NLGN1: variants seen among roughly 807,000 people sequenced by gnomAD.
The protein encoded by NLGN1 is neuroligin 1, also known as neuroligin-1.
NLGN1 carries 12 observed loss-of-function variants against 65.5 expected under a neutral mutation model. That is an observed-to-expected ratio of 0.18 (90% CI 0.12 to 0.30). NLGN1 has a LOEUF of 0.30. NLGN1 is among the 10% of genes least tolerant of loss of function. The pLI, the probability that NLGN1 is intolerant of heterozygous loss-of-function variation, is 1.00. For missense variants in NLGN1, 750 were observed against 1,007.1 expected, an observed-to-expected ratio of 0.74 and a Z score of 3.46; for synonymous variants, 350 against 359.5, an observed-to-expected ratio of 0.97 and a Z score of 0.30.
chr3:174,292,028 A>T, the NLGN1 span, among the ~76,000 whole-genome samples: 1 of 151,304 alleles, frequency 6.6e-6, no homozygotes, highest in Non-Finnish European at 1.5e-5. Flanking sequence ...CACAGAATAC[A>T]GCAAAGAGGG....
intron 3 of NLGN1, among the ~76,000 whole-genome samples, chr3:173,609,505 T>C (rs543052460): frequency 6.6e-6 from 1 of 152,070 alleles, no homozygotes; most frequent in South Asian, 2.1e-4. Flanking sequence ...TAGGGACTGA[T>C]TTTTTCCTAA....
intron 4 of NLGN1, among the ~76,000 whole-genome samples, chr3:174,032,015 TAAAA>T (rs1480982959): frequency 6.6e-6 from 1 of 151,592 alleles, no homozygotes; most frequent in African/African-American, 2.4e-5. Context: ...AATTCAAAGT[TAAAA>T]AAAAGAAATT....
chr3:173,637,587 CTT>C (rs1756791297), intron 3 of NLGN1, among the ~76,000 whole-genome samples: 2 of 152,118 alleles, frequency 1.3e-5, no homozygotes, highest in Admixed American at 6.5e-5. Flanking sequence ...TTGTATGACT[CTT>C]AATTGCTTCC....
intron 4 of NLGN1, among the ~76,000 whole-genome samples, chr3:173,973,340 C>G (rs941208434): frequency 6.6e-6 from 1 of 152,118 alleles, no homozygotes; most frequent in Admixed American, 6.6e-5. Flanking sequence ...TGCCACAAGC[C>G]TGTCCGCCCA....
At chr3:173,478,365 A>G (rs1337575272) in intron 2 of NLGN1, among the ~76,000 whole-genome samples, 1 of 151,692 alleles carries the variant, frequency 6.6e-6, no homozygotes, top group Non-Finnish European at 1.5e-5. Context: ...GAACACATGA[A>G]CACAAGGAGG....
intron 4 of NLGN1, among the ~76,000 whole-genome samples, chr3:173,872,905 G>A (rs989584646): frequency 2.0e-5 from 3 of 151,804 alleles, no homozygotes; most frequent in African/African-American, 7.3e-5. Flanking sequence ...ATTACATAAG[G>A]AGACACAGAG....
rs1010843553 is a variant in NLGN1 at position 173,649,588 on chromosome 3, G to A, written c.493+44497G>A. 4.6e-5 allele frequency among the ~76,000 whole-genome samples: 7 copies of A among 151,984 alleles called. No homozygotes were observed. The East Asian group carries it at 5.8e-4, about 13-fold the overall frequency. Reference sequence around the variant, plus strand: ...TTTTTCACCTTCACATTCCCTCCTAGTGTTCTCCTTTTCTCACCGTGAAAA... The same window carrying A: ...TTTTTCACCTTCACATTCCCTCCTAATGTTCTCCTTTTCTCACCGTGAAAA... On this transcript the variant is annotated intron_variant, in intron 3 of 6. Coordinates refer to ENST00000457714, the Ensembl canonical transcript of NLGN1.
At position 173,519,759 on chromosome 3, in the gene NLGN1, TGA is replaced by T. The variant is rs1214617193; in HGVS notation, c.-320-84516_-320-84515del. ...TTTAAGTGACTTTCCTTATCTCAGATGAGAGTTTGGACTTTGGACTTTTGAGT... is the reference window on the plus strand; with the variant it reads ...TTTAAGTGACTTTCCTTATCTCAGATGAGTTTGGACTTTGGACTTTTGAGT... On this transcript the variant is annotated intron_variant, in intron 2 of 6. Coordinates refer to ENST00000457714, the Ensembl canonical transcript of NLGN1. Among the ~76,000 whole-genome samples the T allele has an allele frequency of 2.6e-5, 4 of 152,172 alleles. No homozygotes were observed. The East Asian group carries it at 7.7e-4, about 29-fold the overall frequency.
At chr3:173,633,746 A>C (rs1756121201) in intron 3 of NLGN1, among the ~76,000 whole-genome samples, 1 of 152,244 alleles carries the variant, frequency 6.6e-6, no homozygotes, top group African/African-American at 2.4e-5. Flanking sequence ...GAAGAATATT[A>C]GACTTCTAAG....
At chr3:173,660,112 C>G (rs1039279140) in intron 3 of NLGN1, among the ~76,000 whole-genome samples, 49 of 151,954 alleles carry the variant, frequency 3.2e-4, no homozygotes, top group Middle Eastern at 3.4e-3. Context: ...TCTTGCTATT[C>G]GTAGAGACAG....
intron 3 of NLGN1, among the ~76,000 whole-genome samples, chr3:173,804,768 T>C (rs544862591): frequency 5.9e-5 from 9 of 152,058 alleles, no homozygotes; most frequent in African/African-American, 1.9e-4. Flanking sequence ...GGCTCACACC[T>C]GTAATCCCAG....
intron 4 of NLGN1, among the ~76,000 whole-genome samples, chr3:174,102,681 TG>T (rs1429625375): frequency 6.6e-6 from 1 of 152,200 alleles, no homozygotes; most frequent in African/African-American, 2.4e-5. Context: ...GGCTGTTGAC[TG>T]GTTGATTGGA....
At chr3:173,875,215 G>A (rs1206358780) in intron 4 of NLGN1, among the ~76,000 whole-genome samples, 1 of 152,148 alleles carries the variant, frequency 6.6e-6, no homozygotes, top group Non-Finnish European at 1.5e-5. Flanking sequence ...TCTTTGGTGA[G>A]TCAGTATAAA....
At chr3:173,926,510 C>G (rs73037255) in intron 4 of NLGN1, among the ~76,000 whole-genome samples, 5,760 of 152,238 alleles carry the variant, frequency 0.038, 361 homozygotes, top group African/African-American at 0.13. Context: ...GAATAATCTG[C>G]TTCCAACAAA....
chr3:173,874,512 G>A (rs1277691593), intron 4 of NLGN1, among the ~76,000 whole-genome samples: 1 of 152,044 alleles, frequency 6.6e-6, no homozygotes. Flanking sequence ...TAATATTTGG[G>A]GCTATAATTA....
chr3:173,928,309 T>A (rs1743393035), intron 4 of NLGN1, among the ~76,000 whole-genome samples: 1 of 152,164 alleles, frequency 6.6e-6, no homozygotes, highest in South Asian at 2.1e-4. Context: ...TAACTTTCCT[T>A]TTTGCCTCGT....
At chr3:173,689,750 A>G (rs528505685) in intron 3 of NLGN1, among the ~76,000 whole-genome samples, 14 of 152,272 alleles carry the variant, frequency 9.2e-5, no homozygotes, top group East Asian at 5.8e-4. Flanking sequence ...GCCCCATTCA[A>G]TTAGGTACCT....
At chr3:173,652,666 G>A (rs1216603724) in intron 3 of NLGN1, among the ~76,000 whole-genome samples, 4 of 152,110 alleles carry the variant, frequency 2.6e-5, no homozygotes, top group African/African-American at 9.7e-5. Flanking sequence ...TACAATTTGA[G>A]GTCAGGTAAT....
intron 3 of NLGN1, among the ~76,000 whole-genome samples, chr3:173,755,546 A>T (rs755844011): frequency 1.3e-5 from 2 of 152,088 alleles, no homozygotes; most frequent in Non-Finnish European, 2.9e-5. Flanking sequence ...AGATGCTGGG[A>T]TGGGAAATAC....
Sources: allele counts gnomAD v4.1 joint callset (sites outside exome capture counted in the v4.1 genomes callset), GRCh38; gene constraint gnomAD v4.1.1; transcripts MANE v1.5; gene names NCBI Gene and HGNC (gene_info 2026-07-23, HGNC 2026-07-21).